Variants in ANKMY2 observed in about 807,000 individuals in gnomAD.
ANKMY2 encodes the protein ankyrin repeat and MYND domain containing 2.
Under a neutral mutation model 50.4 loss-of-function variants are expected in ANKMY2, and 36 were observed. That is an observed-to-expected ratio of 0.71 (90% CI 0.55 to 0.94). The LOEUF is 0.94. ANKMY2 is among the 40% of genes least tolerant of loss of function. The pLI is 0.00. For missense variants in ANKMY2, 565 were observed against 524.0 expected, an observed-to-expected ratio of 1.08 and a Z score of -0.76; for synonymous variants, 187 against 178.8, an observed-to-expected ratio of 1.05 and a Z score of -0.36.
Position 16,615,754 on chromosome 7 carries a change from TGAA to T in ANKMY2, c.518_520del (p.Leu173del). ...TAGACACCACACTACCTTGACAGGA[TGAA>T]GATTCGTTGTGGTGATAATTTTGTG... On this transcript the variant is annotated inframe_deletion, in exon 5 of 10. Coordinates refer to ENST00000306999, the MANE Select transcript of ANKMY2 (RefSeq NM_020319.3). 2 of 1,614,184 alleles carry T rather than the reference TGAA, an allele frequency of 1.2e-6. No individual in the cohort carries two copies. The highest frequency in any genetic ancestry group is 1.7e-6 in the Non-Finnish European group (2 of 1,180,044).
intron 1 of ANKMY2, among the ~76,000 whole-genome samples, chr7:16,639,613 AC>A (rs945570090): frequency 6.6e-6 from 1 of 152,176 alleles, no homozygotes; most frequent in African/African-American, 2.4e-5. Context: ...CCCCATCTCT[AC>A]AAAAAATTTT....
At chr7:16,632,764 G>C (rs926708042) in intron 2 of ANKMY2, among the ~76,000 whole-genome samples, 39 of 152,088 alleles carry the variant, frequency 2.6e-4, no homozygotes, top group African/African-American at 8.9e-4. Context: ...TTTCTCTTAA[G>C]TATATATATA....
chr7:16,609,787 G>A (rs186374318), intron 6 of ANKMY2, 22 bp from the exon 7 acceptor site: 605 of 1,606,036 alleles, frequency 3.8e-4, no homozygotes, highest in Non-Finnish European at 4.1e-4. Context: ...TTTTTAAAGC[G>A]TAATTGGAGT....
Position 16,624,980 on chromosome 7 carries a change from C to T in ANKMY2, c.370+3G>A, listed in dbSNP as rs1781489908. On this transcript the variant is annotated splice_donor_region_variant and intron_variant, in intron 4 of 9. Coordinates refer to ENST00000306999, the MANE Select transcript of ANKMY2 (RefSeq NM_020319.3). ...CTAATGCAAAACTGCAGCAAAATCT[C>T]ACCCACAAAGGCTGCCATCTGAGCT... is the stretch of plus-strand genomic sequence containing the variant. 8.1e-6 allele frequency: 13 copies of T among 1,612,756 alleles called. No homozygotes were observed. The highest frequency in any genetic ancestry group is 2.2e-5 in the East Asian group (1 of 44,834).
At chr7:16,640,767 C>G (rs570736647) in intron 1 of ANKMY2, among the ~76,000 whole-genome samples, 1 of 152,098 alleles carries the variant, frequency 6.6e-6, no homozygotes, top group Non-Finnish European at 1.5e-5. Context: ...CCAAGTGATC[C>G]TCTTGGATCC....
Position 16,633,651 on chromosome 7 carries a change from G to A in ANKMY2, c.132+2740C>T, listed in dbSNP as rs558598966. 9.1e-4 allele frequency among the ~76,000 whole-genome samples: 139 copies of A among 152,160 alleles called. 1 individual carries two copies. The highest frequency in any genetic ancestry group is 9.6e-4 in the Non-Finnish European group (65 of 67,982). ...CATTTAGCAAAGCTGTCTGAAATAA[G>A]CTACAATTTCCGTTATAAAATAGTA... On this transcript the variant is annotated intron_variant, in intron 2 of 9. Transcript: ENST00000306999.
intron 3 of ANKMY2, among the ~76,000 whole-genome samples, chr7:16,625,492 T>C (rs1781495249): frequency 6.6e-6 from 1 of 152,250 alleles, no homozygotes; most frequent in Non-Finnish European, 1.5e-5. Flanking sequence ...CTGGAAGAAC[T>C]ATTAACCACT....
At chr7:16,618,569 C>T (rs1439295601) in intron 4 of ANKMY2, among the ~76,000 whole-genome samples, 1 of 152,204 alleles carries the variant, frequency 6.6e-6, no homozygotes, top group East Asian at 1.9e-4. Context: ...CAATTTCTTT[C>T]TTTTTGGGGG....
intron 2 of ANKMY2, among the ~76,000 whole-genome samples, chr7:16,632,398 C>G (rs1240054705): frequency 6.6e-6 from 1 of 152,120 alleles, no homozygotes; most frequent in Non-Finnish European, 1.5e-5. Context: ...GCAGTCATTT[C>G]CCACTTCACC....
chr7:16,631,906 T>G (rs1781592469), intron 2 of ANKMY2, among the ~76,000 whole-genome samples: 1 of 152,208 alleles, frequency 6.6e-6, no homozygotes, highest in Non-Finnish European at 1.5e-5. Flanking sequence ...TGAGGCACTG[T>G]GCCCGGCCCA....
rs1386477276 is a variant in ANKMY2 at position 16,600,696 on chromosome 7, A to G, written c.*65T>C. 6.9e-7 allele frequency: 1 copy of G among 1,440,102 alleles called. No homozygotes were observed. Among genetic ancestry groups the G allele is most frequent in the Non-Finnish European group, 9.3e-7 (1 of 1,072,936 alleles). 89.2% of individuals were successfully genotyped at this position (1,440,102 alleles called of 1,614,324 possible). On this transcript the variant is annotated 3_prime_UTR_variant, in exon 10 of 10. Transcript: ENST00000306999. ...AGGTATAACAAGGTGAGGACAATGC[A>G]TTCCTAGGAGTTTTCCAGCTTCTTG... is the stretch of plus-strand genomic sequence containing the variant.
In ANKMY2 at chr7:16,625,174, T is replaced by G; in HGVS notation, c.272-93A>C. The G allele has an allele frequency of 4.3e-6, 4 of 934,512 alleles. No individual in the cohort carries two copies. The South Asian group carries it at 4.9e-5, about 11-fold the overall frequency. 57.9% of individuals were successfully genotyped at this position (934,512 alleles called of 1,614,324 possible). On this transcript the variant is annotated intron_variant, in intron 3 of 9. Coordinates refer to ENST00000306999, the MANE Select transcript of ANKMY2 (RefSeq NM_020319.3). ...CTCTCTATACCCTTTATTCCCCCAGTTAGTTTTAGGTTTCTGTCATGTGGA... is the reference window on the plus strand; with the variant it reads ...CTCTCTATACCCTTTATTCCCCCAGGTAGTTTTAGGTTTCTGTCATGTGGA...
chr7:16,606,259 C>T (rs182314769), intron 7 of ANKMY2, among the ~76,000 whole-genome samples: 7 of 152,066 alleles, frequency 4.6e-5, no homozygotes, highest in Non-Finnish European at 1.0e-4. Context: ...GGTGAAGCCC[C>T]GACTCTACTG....
At chr7:16,632,469 C>G (rs988175608) in intron 2 of ANKMY2, among the ~76,000 whole-genome samples, 1 of 152,078 alleles carries the variant, frequency 6.6e-6, no homozygotes, top group Non-Finnish European at 1.5e-5. Flanking sequence ...ATGAATTTGC[C>G]TATTTTTGGT....
rs1365276595 is a variant in ANKMY2 at position 16,617,142 on chromosome 7, G to T, written c.371-1238C>A. Among the ~76,000 whole-genome samples the T allele has an allele frequency of 3.3e-5, 5 of 152,144 alleles. No individual in the cohort carries two copies. In the East Asian group the frequency reaches 7.7e-4, roughly 23 times the overall value. On this transcript the variant is annotated intron_variant, in intron 4 of 9. Coordinates refer to ENST00000306999, the MANE Select transcript of ANKMY2 (RefSeq NM_020319.3). ...TCGATGTAGATTTTGTTTTAAGGAA[G>T]CATATGCAGTTTGTCTTCATCTTCC...
Position 16,645,748 on chromosome 7 carries a change from C to G in ANKMY2, c.-175G>C. On this transcript the variant is annotated 5_prime_UTR_variant, in exon 1 of 10. Coordinates refer to ENST00000306999, the MANE Select transcript of ANKMY2 (RefSeq NM_020319.3). Reference sequence around the variant, plus strand: ...CTCCCGCGGGCTGGCGGACAGCGGGCGAGCTCGGGCGAGCCAGGCGGACGG... The same window carrying G: ...CTCCCGCGGGCTGGCGGACAGCGGGGGAGCTCGGGCGAGCCAGGCGGACGG... 1 of 628,780 alleles carries G rather than the reference C, an allele frequency of 1.6e-6. No homozygotes were observed. Among genetic ancestry groups the G allele is most frequent in the Admixed American group, 4.2e-5 (1 of 23,864 alleles). 39.0% of individuals were successfully genotyped at this position (628,780 alleles called of 1,614,324 possible). A position where few individuals can be genotyped will look rare whatever the true frequency, so the allele number is the denominator to read the frequency against.
At chr7:16,621,349 A>G (rs532313629) in intron 4 of ANKMY2, among the ~76,000 whole-genome samples, 1 of 152,316 alleles carries the variant, frequency 6.6e-6, no homozygotes, top group African/African-American at 2.4e-5. Flanking sequence ...GTACTGTGTA[A>G]TTGGATGGAA....
rs768030853 is a variant in ANKMY2, at chr7:16,616,749, G to A, written c.371-845C>T. ...TGAGGGCTGGGGGACCAGCGGAGGC[G>A]CGCCTGGGGAGAGCGTGCAGACGCC... On this transcript the variant is annotated intron_variant, in intron 4 of 9. Transcript: ENST00000306999. Among the ~76,000 whole-genome samples, 82 of 152,368 alleles carry A rather than the reference G, an allele frequency of 5.4e-4. 1 individual carries two copies. Among genetic ancestry groups the A allele is most frequent in the Admixed American group, 9.1e-4 (14 of 15,312 alleles).
intron 5 of ANKMY2, among the ~76,000 whole-genome samples, chr7:16,613,469 G>A (rs71540757): frequency 0.1 from 15,671 of 152,102 alleles, 873 homozygotes; most frequent in Middle Eastern, 0.12. Context: ...AAAAGGTTTC[G>A]AGCGAATAGA....
Sources: gnomAD v4.1 joint callset for allele counts (sites outside exome capture counted in the v4.1 genomes callset) on GRCh38, gnomAD v4.1.1 for gene constraint, MANE v1.5 for transcripts, NCBI Gene and HGNC (gene_info 2026-07-23, HGNC 2026-07-21) for gene names.